LAMA1: variants seen among roughly 807,000 people sequenced by gnomAD.
LAMA1 encodes the protein laminin subunit alpha 1.
A neutral mutation model predicts 348.7 loss-of-function variants in LAMA1; 219 were observed. The ratio of observed to expected loss-of-function variants is 0.63; its 90% CI spans 0.56 to 0.70. LAMA1 has a LOEUF of 0.70. Among genes scored for constraint, LAMA1 ranks in the 30% least tolerant of loss-of-function variants. The pLI is 0.00. For missense variants in LAMA1, 3,744 were observed against 3,888.0 expected (o/e 0.96, Z 0.99); for synonymous variants, 1,487 against 1,491.0 (o/e 1.00, Z 0.06).
chr18:6,985,895 A>G (rs529014905), intron 37 of LAMA1, among the ~76,000 whole-genome samples: 1 of 152,278 alleles, frequency 6.6e-6, no homozygotes, highest in Admixed American at 6.5e-5. Context: ...AGTAGCTGGG[A>G]CTACAGGCGC....
At chr18:7,056,708 G>T (rs947660525) in intron 3 of LAMA1, among the ~76,000 whole-genome samples, 1 of 152,104 alleles carries the variant, frequency 6.6e-6, no homozygotes, top group Admixed American at 6.6e-5. Context: ...CTGGAGACCG[G>T]GTTCATATGT....
At chr18:7,042,692 G>T in intron 8 of LAMA1, 1 of 218,608 alleles carries the variant, frequency 4.6e-6, no homozygotes. Context: ...AGACCATCCT[G>T]GCCGACATGG....
chr18:6,947,218 A>G lies in LAMA1; in HGVS notation c.8789T>C (p.Leu2930Pro), dbSNP rs911745155. The G allele has an allele frequency of 6.2e-7, 1 of 1,614,196 alleles. No individual in the cohort carries two copies. Among genetic ancestry groups the G allele is most frequent in the Admixed American group, 1.7e-5 (1 of 60,020 alleles). ...FRTSSQNGVL[L>P]GISTAKVDAI... is the part of the protein sequence containing the mutation. ...ATCCACTTTGGCAGTGCTGATCCCCAGGAGGACGCCATTCTGCGAGGAGGT... is the reference window on the plus strand; with the variant it reads ...ATCCACTTTGGCAGTGCTGATCCCCGGGAGGACGCCATTCTGCGAGGAGGT... Residue 2930 changes from leucine (L) to proline (P), a missense_variant, in exon 61 of 63, where the codon CTG becomes CCG. Around this residue, in one of 3 missense-constraint regions of LAMA1, gnomAD observed 232 missense variants for 264.4 expected, o/e 0.88. Coordinates refer to ENST00000389658, the MANE Select transcript of LAMA1 (RefSeq NM_005559.4).
At chr18:7,115,814 C>CAAAACAA (rs58813825) in intron 1 of LAMA1, among the ~76,000 whole-genome samples, 3 of 94,838 alleles carry the variant, frequency 3.2e-5, no homozygotes, top group African/African-American at 7.1e-5. Context: ...ACTAAAAATA[C>CAAAACAA]AAAAAAAAAA....
chr18:6,981,092 G>A (rs1245481279), intron 41 of LAMA1, among the ~76,000 whole-genome samples: 4 of 148,744 alleles, frequency 2.7e-5, no homozygotes, highest in Admixed American at 6.7e-5. Flanking sequence ...GACGGAGCGA[G>A]ACTCCGTCTC....
chr18:7,000,049 T>C, intron 30 of LAMA1, 52 bp from the exon 31 acceptor site: 1 of 1,322,934 alleles, frequency 7.6e-7, no homozygotes, highest in Non-Finnish European at 1.1e-6. Context: ...TTTCCATCTT[T>C]CCTTAAGGTA....
chr18:7,093,050 G>A (rs1390916070), intron 1 of LAMA1, among the ~76,000 whole-genome samples: 2 of 152,170 alleles, frequency 1.3e-5, no homozygotes, highest in Non-Finnish European at 2.9e-5. Context: ...GCAGAGAACT[G>A]GGTTTTCCAT....
At position 6,999,643 on chromosome 18, in the gene LAMA1, A is replaced by G; in HGVS notation, c.4470-5T>C. ...CCATAATAGCTTGAGGAGCACCTAC[A>G]GAAAGGAAGGGACATAGGTGCAGAC... On this transcript the variant is annotated splice_region_variant and splice_polypyrimidine_tract_variant and intron_variant, in intron 31 of 62. Coordinates refer to ENST00000389658, the MANE Select transcript of LAMA1 (RefSeq NM_005559.4). 6.2e-7 allele frequency: 1 copy of G among 1,607,240 alleles called. No individual in the cohort carries two copies. Among genetic ancestry groups the G allele is most frequent in the South Asian group, 1.1e-5 (1 of 90,028 alleles).
chr18:7,007,010 A>G (rs2057835114), intron 29 of LAMA1, 129 bp downstream of exon 29: 9 of 1,336,786 alleles, frequency 6.7e-6, no homozygotes, highest in African/African-American at 1.5e-5. Context: ...AAATAGGTTT[A>G]TATTTTATAT....
rs999294784 is a variant in LAMA1 at position 6,978,442 on chromosome 18, G to A, written c.6008-64C>T. The A allele has an allele frequency of 4.6e-5, 64 of 1,381,192 alleles. 1 individual carries two copies. Among genetic ancestry groups the A allele is most frequent in the South Asian group, 3.7e-4 (32 of 86,250 alleles). 85.6% of individuals were successfully genotyped at this position (1,381,192 alleles called of 1,614,324 possible). ...TTACACACAGAGAAAAGAATAAAACGACAACAAATGTAATTTCGCACAGAA... is the reference window on the plus strand; with the variant it reads ...TTACACACAGAGAAAAGAATAAAACAACAACAAATGTAATTTCGCACAGAA... On this transcript the variant is annotated intron_variant, in intron 42 of 62. Coordinates refer to ENST00000389658, the MANE Select transcript of LAMA1 (RefSeq NM_005559.4).
chr18:7,032,093 A>G lies in LAMA1; in HGVS notation c.2247T>C (p.Ala749=), dbSNP rs537775967. ...CQPCECHGHA[A]ECNVHGVCIA... is the part of the protein sequence containing the mutation. ...TGCAAACGCCGTGAACATTACACTCAGCTGCATGGCCGTGGCATTCACAGG... is the reference window on the plus strand; with the variant it reads ...TGCAAACGCCGTGAACATTACACTCGGCTGCATGGCCGTGGCATTCACAGG... The change falls in exon 16 of 63, where the codon GCT becomes GCC. Residue 749 remains alanine, a synonymous_variant. Transcript: ENST00000389658. 1 of 1,614,180 alleles carries G rather than the reference A, an allele frequency of 6.2e-7. No homozygotes were observed. Among genetic ancestry groups the G allele is most frequent in the Middle Eastern group, 1.6e-4 (1 of 6,062 alleles).
At chr18:7,063,606 C>A (rs74852179) in intron 3 of LAMA1, among the ~76,000 whole-genome samples, 41 of 152,114 alleles carry the variant, frequency 2.7e-4, no homozygotes, top group Middle Eastern at 3.4e-3. Flanking sequence ...CCCAGGTACC[C>A]GTTGATGGAT....
chr18:7,115,814 CAA>C (rs557585224), intron 1 of LAMA1, among the ~76,000 whole-genome samples: 2,639 of 94,780 alleles, frequency 0.028, 89 homozygotes, highest in African/African-American at 0.086. Flanking sequence ...ACTAAAAATA[CAA>C]AAAAAAAAAA....
At chr18:6,948,265 A>G in intron 60 of LAMA1, 138 bp downstream of exon 60, 4 of 1,151,158 alleles carry the variant, frequency 3.5e-6, no homozygotes, top group Non-Finnish European at 5.1e-6. Flanking sequence ...AGAAATTAGG[A>G]ATCAACTGGA....
chr18:6,942,290 G>A (rs1165104982), intron 62 of LAMA1, 51 bp from the exon 63 acceptor site: 26 of 1,590,528 alleles, frequency 1.6e-5, no homozygotes, highest in South Asian at 4.4e-5. Context: ...GTTGAAATGC[G>A]ATCCATAGCA....
intron 28 of LAMA1, 138 bp from the exon 29 acceptor site, chr18:7,007,414 T>C (rs901166441): frequency 3.8e-6 from 3 of 792,254 alleles, no homozygotes; most frequent in East Asian, 5.4e-5. Context: ...ATCAGAGAAA[T>C]GCAAATGAAA....
rs375373605 is a variant in LAMA1 at position 7,038,959 on chromosome 18, T to C, written c.1423-9A>G. The C allele has an allele frequency of 1.7e-5, 28 of 1,611,110 alleles. No homozygotes were observed. Among genetic ancestry groups the C allele is most frequent in the Middle Eastern group, 1.7e-4 (1 of 6,054 alleles). On this transcript the variant is annotated splice_polypyrimidine_tract_variant and intron_variant, in intron 10 of 62. Transcript: ENST00000389658. ...TTCCCCTCAACGTTTTCCTGTAAGT[T>C]AGGGTAAAAGATTAGCTTTTGAAAC...
At position 7,044,952 on chromosome 18, in the gene LAMA1, G is replaced by C. The variant is rs2058036058; in HGVS notation, c.859-113C>G. The C allele has an allele frequency of 8.6e-6, 7 of 816,396 alleles. No homozygotes were observed. The South Asian group carries it at 9.4e-5, about 11-fold the overall frequency. 50.6% of individuals were successfully genotyped at this position (816,396 alleles called of 1,614,324 possible). On this transcript the variant is annotated intron_variant, in intron 6 of 62. Transcript: ENST00000389658. ...TATGTGGCAAGAACCTCACAACAGAGGATATATGATTATCATCAAAGCAAA... is the reference window on the plus strand; with the variant it reads ...TATGTGGCAAGAACCTCACAACAGACGATATATGATTATCATCAAAGCAAA...
intron 47 of LAMA1, 75 bp downstream of exon 47, chr18:6,972,982 C>T (rs1350914818): frequency 7.0e-6 from 11 of 1,560,688 alleles, no homozygotes; most frequent in Admixed American, 5.0e-5. Flanking sequence ...TGAGCCACCA[C>T]GCCCGGCCCA....
Sources: allele counts gnomAD v4.1 joint callset (sites outside exome capture counted in the v4.1 genomes callset), GRCh38; gene constraint gnomAD v4.1.1; regional missense constraint gnomAD v4.1.1; transcripts MANE v1.5; gene names NCBI Gene and HGNC (gene_info 2026-07-23, HGNC 2026-07-21).